MTMR14: variants seen among roughly 807,000 people sequenced by gnomAD.
The protein encoded by MTMR14 is myotubularin related protein 14.
In MTMR14, 48 loss-of-function variants were observed where a neutral mutation model predicts 86.3. The observed-to-expected ratio is 0.56, with a 90% CI of 0.44 to 0.71. MTMR14 has a LOEUF of 0.71. Ranked by LOEUF, MTMR14 falls within the 30% of genes least tolerant of loss-of-function variation. The probability of loss-of-function intolerance (pLI) is 0.00; values close to 1 mark genes in which losing one functional copy is unlikely to be tolerated. For synonymous variants in MTMR14, 366 were observed against 326.1 expected, an observed-to-expected ratio of 1.12 and a Z score of -1.32; for missense variants, 780 against 834.6, an observed-to-expected ratio of 0.93 and a Z score of 0.81.
In MTMR14 at chr3:9,688,949, A is replaced by G. The variant is rs2125316125; in HGVS notation, c.1300A>G (p.Lys434Glu). The G allele has an allele frequency of 6.2e-7, 1 of 1,614,022 alleles. No individual in the cohort carries two copies. Among genetic ancestry groups the G allele is most frequent in the Non-Finnish European group, 8.5e-7 (1 of 1,180,004 alleles). ...TLEDICMLRR[K>E]DRGSTTSLGS... is the part of the protein sequence containing the mutation. ...ATGGCACTGGCTTCTTTTAGGACGA[A>G]AGGACCGTGGCAGCACCACCAGCCT... Residue 434 changes from lysine (K) to glutamate (E), a missense_variant, in exon 16 of 19, where the codon AAG becomes GAG. Lys to Glu is a moderately conservative substitution (Grantham distance 56). Coordinates refer to ENST00000296003, the MANE Select transcript of MTMR14 (RefSeq NM_001077525.3).
At chr3:9,651,128 G>A (rs549890021) in intron 1 of MTMR14, among the ~76,000 whole-genome samples, 1 of 151,738 alleles carries the variant, frequency 6.6e-6, no homozygotes, top group African/African-American at 2.4e-5. Context: ...TTGAGACAGG[G>A]TCTCGCTCTG....
At chr3:9,688,636 G>A (rs763190907) in intron 14 of MTMR14, 60 bp from the exon 15 acceptor site, 5 of 1,587,514 alleles carry the variant, frequency 3.1e-6, no homozygotes, top group Non-Finnish European at 3.5e-6. Context: ...GATTGGGAAC[G>A]GGGGACACAA....
rs2076011060 is a variant in MTMR14, at chr3:9,687,841, T to C, written c.1185T>C (p.Asn395=). 3.2e-6 allele frequency: 5 copies of C among 1,581,992 alleles called. No homozygotes were observed. In the Admixed American group the frequency reaches 7.2e-5, roughly 23 times the overall value. ...KGEEIFFFCF[N]FLKHITSEEF... is the part of the protein sequence containing the mutation. ...TTTAGATTTTCTTCTTCTGCTTCAATTTTTTGAAGCATATTACCTCCGAGG... is the reference window on the plus strand; with the variant it reads ...TTTAGATTTTCTTCTTCTGCTTCAACTTTTTGAAGCATATTACCTCCGAGG... The change falls in exon 14 of 19, where the codon AAT becomes AAC. Residue 395 remains asparagine, a synonymous_variant. Transcript: ENST00000296003.
rs369183361 is a variant in MTMR14 at position 9,688,716 on chromosome 3, G to A, written c.1256G>A (p.Arg419Gln). 1.9e-5 allele frequency: 31 copies of A among 1,614,066 alleles called. No homozygotes were observed. The highest frequency in any genetic ancestry group is 1.1e-4 in the East Asian group (5 of 44,900). ...TCTAGGAGGAAGAGTTTGCCAGCCC[G>A]GGATGGAGGCTTCACCCTGGAAGAC... The part of the protein sequence containing the change: ...KTQRRKSLPA[R>Q]DGGFTLEDIC... Residue 419 changes from arginine (R) to glutamine (Q), a missense_variant, in exon 15 of 19, where the codon CGG becomes CAG. Physicochemically the swap from Arg to Gln is conservative, Grantham distance 43. Coordinates refer to ENST00000296003, the MANE Select transcript of MTMR14 (RefSeq NM_001077525.3).
chr3:9,685,165 T>G (rs753895776), intron 12 of MTMR14, 46 bp from the exon 13 acceptor site: 2 of 1,613,930 alleles, frequency 1.2e-6, no homozygotes, highest in South Asian at 2.2e-5. Flanking sequence ...CTTGGCCTTG[T>G]CATCTTGGTG....
At chr3:9,674,212 T>C (rs564786749) in intron 7 of MTMR14, among the ~76,000 whole-genome samples, 4 of 152,276 alleles carry the variant, frequency 2.6e-5, no homozygotes, top group African/African-American at 9.6e-5. Flanking sequence ...GAAAAAATAG[T>C]TTTGCTAGAA....
At chr3:9,676,258 G>A (rs978439671) in intron 7 of MTMR14, among the ~76,000 whole-genome samples, 2 of 152,224 alleles carry the variant, frequency 1.3e-5, no homozygotes, top group African/African-American at 2.4e-5. Flanking sequence ...GAGAATAACT[G>A]CAAGCTAGCC....
chr3:9,658,482 G>T (rs2047735965), intron 2 of MTMR14, among the ~76,000 whole-genome samples: 1 of 152,204 alleles, frequency 6.6e-6, no homozygotes, highest in Admixed American at 6.5e-5. Context: ...TTACCAGTAG[G>T]TCTAGTGGGA....
chr3:9,652,340 ATAAG>A (rs1176577493), intron 1 of MTMR14, among the ~76,000 whole-genome samples: 3 of 152,224 alleles, frequency 2.0e-5, no homozygotes, highest in Non-Finnish European at 4.4e-5. Flanking sequence ...TGTGATCAAA[ATAAG>A]TAATTTTAGG....
Position 9,677,404 on chromosome 3 carries a change from A to G in MTMR14, c.822+17A>G. 1.2e-6 allele frequency: 2 copies of G among 1,608,962 alleles called. No individual in the cohort carries two copies. The highest frequency in any genetic ancestry group is 1.7e-6 in the Non-Finnish European group (2 of 1,175,328). On this transcript the variant is annotated intron_variant, in intron 8 of 18. Coordinates refer to ENST00000296003, the MANE Select transcript of MTMR14 (RefSeq NM_001077525.3). This position sits in a 1 kb window ranked among gnomAD's most constrained non-coding sequence, Gnocchi z 4.2. The stretch of plus-strand genomic sequence containing the variant: ...TGGAAGCAGGTATGAGCAATAACAT[A>G]CATCAAATTGGATCTATGTCTCTTT...
chr3:9,671,405 CA>C (rs2048560264), intron 6 of MTMR14, among the ~76,000 whole-genome samples: 1 of 152,186 alleles, frequency 6.6e-6, no homozygotes, highest in South Asian at 2.1e-4. Flanking sequence ...GTGACTGAGG[CA>C]GCCATCAGTC....
Position 9,675,669 on chromosome 3 carries a change from C to G in MTMR14, c.752-1648C>G, listed in dbSNP as rs950749883. 9 of 457,298 alleles carry G rather than the reference C, an allele frequency of 2.0e-5. No individual in the cohort carries two copies. The Middle Eastern group carries it at 9.7e-4, about 49-fold the overall frequency. 28.3% of individuals were successfully genotyped at this position (457,298 alleles called of 1,614,324 possible). On this transcript the variant is annotated intron_variant, in intron 7 of 18. Transcript: ENST00000296003. ...CCTGACAGTGGTTCCGAAGCCTATT[C>G]AGGTAATGAACATTAGGCATTTGCC...
At position 9,663,501 on chromosome 3, in the gene MTMR14, C is replaced by CTTTTTT. The variant is rs4021721; in HGVS notation, c.417+1147_417+1152dup. On this transcript the variant is annotated intron_variant, in intron 3 of 18. Transcript: ENST00000296003. ...TTTTTTTTTGAGATGGAGTCTCTCT[C>CTTTTTT]TTTTTTTTTTTTTTTTTTTTTTTTT... Among the ~76,000 whole-genome samples the CTTTTTT allele has an allele frequency of 3.5e-3, 245 of 69,966 alleles. 36 individuals are homozygous for CTTTTTT. Among genetic ancestry groups the CTTTTTT allele is most frequent in the East Asian group, 0.014 (28 of 1,976 alleles). The allele number at this position is 69,966 out of a possible 152,430, so 45.9% of individuals were successfully genotyped here.
intron 1 of MTMR14, among the ~76,000 whole-genome samples, chr3:9,651,383 G>A (rs866607223): frequency 3.3e-5 from 5 of 152,180 alleles, no homozygotes; most frequent in East Asian, 1.9e-4. Flanking sequence ...GATTACAGGC[G>A]TGAGCCGCCA....
intron 3 of MTMR14, among the ~76,000 whole-genome samples, chr3:9,662,632 T>C (rs927137700): frequency 8.6e-5 from 13 of 151,584 alleles, no homozygotes; most frequent in South Asian, 2.1e-4. Context: ...CTGACTCTTA[T>C]TTCCTGCCTA....
At position 9,697,829 on chromosome 3, in the gene MTMR14, C is replaced by G; in HGVS notation, c.1732C>G (p.Pro578Ala). ...TGTCCTGCACACAGACTCCTCTCTC[C>G]CTTTCAGCTTCCCGGATGAGCTCCC... is the stretch of plus-strand genomic sequence containing the variant. Reference protein sequence around the residue: ...RAVLHTDSSLPFSFPDELPNS... With the variant: ...RAVLHTDSSLAFSFPDELPNS... The change falls in exon 18 of 19, where the codon CCT (proline) becomes GCT (alanine). Residue 578 changes from proline (P) to alanine (A), a missense_variant. By Grantham distance (27) the Pro-to-Ala change is conservative. Coordinates refer to ENST00000296003, the MANE Select transcript of MTMR14 (RefSeq NM_001077525.3). 6.2e-7 allele frequency: 1 copy of G among 1,614,224 alleles called. No individual in the cohort carries two copies. Among genetic ancestry groups the G allele is most frequent in the South Asian group, 1.1e-5 (1 of 91,088 alleles).
chr3:9,650,135 C>T (rs569110313), intron 1 of MTMR14, among the ~76,000 whole-genome samples: 7 of 152,228 alleles, frequency 4.6e-5, no homozygotes, highest in Admixed American at 3.9e-4. Context: ...GAGACGATTC[C>T]TCGGGGTCAG....
Position 9,681,994 on chromosome 3 carries a change from G to A in MTMR14, c.898-1184G>A, listed in dbSNP as rs542224737. 9.2e-5 allele frequency among the ~76,000 whole-genome samples: 14 copies of A among 152,286 alleles called. No homozygotes were observed. The South Asian group carries it at 2.9e-3, about 32-fold the overall frequency. ...TCCGCAGCTCTCTTGTCCTCGGCAGGGCCTGCCCTCCCCGGCTGCTGCAGT... is the reference window on the plus strand; with the variant it reads ...TCCGCAGCTCTCTTGTCCTCGGCAGAGCCTGCCCTCCCCGGCTGCTGCAGT... On this transcript the variant is annotated intron_variant, in intron 9 of 18. Transcript: ENST00000296003.
Position 9,701,702 on chromosome 3 carries a change from G to A in MTMR14, c.1770-88G>A. 1 of 1,386,660 alleles carries A rather than the reference G, an allele frequency of 7.2e-7. No individual in the cohort carries two copies. Among genetic ancestry groups the A allele is most frequent in the South Asian group, 1.2e-5 (1 of 83,740 alleles). 85.9% of individuals were successfully genotyped at this position (1,386,660 alleles called of 1,614,324 possible). On this transcript the variant is annotated intron_variant, in intron 18 of 18. Transcript: ENST00000296003. This position sits in a 1 kb window ranked among gnomAD's most constrained non-coding sequence, Gnocchi z 4.2. ...CCTTGTACAGTCAGAAGAAGCACAA[G>A]GACAGGTGGTATGGAGGGAGGGAGG...
Sources: allele counts gnomAD v4.1 joint callset (sites outside exome capture counted in the v4.1 genomes callset), GRCh38; gene constraint gnomAD v4.1.1; non-coding constraint Gnocchi (gnomAD v3.1); transcripts MANE v1.5; gene names NCBI Gene and HGNC (gene_info 2026-07-23, HGNC 2026-07-21).